CDH26: variants seen among roughly 807,000 people sequenced by gnomAD.
CDH26 encodes cadherin 26.
Under a neutral mutation model 90.3 loss-of-function variants are expected in CDH26, and 83 were observed. The ratio of observed to expected loss-of-function variants is 0.92; its 90% CI spans 0.77 to 1.10. The LOEUF (loss-of-function observed/expected upper bound fraction) is 1.10, where lower values mean the gene tolerates loss of function less well. Among genes scored for constraint, CDH26 ranks in the 50% least tolerant of loss-of-function variants. The pLI is 0.00. For synonymous variants in CDH26, 397 were observed against 396.3 expected, an observed-to-expected ratio of 1.00 and a Z score of -0.02; for missense variants, 1,013 against 1,037.6, an observed-to-expected ratio of 0.98 and a Z score of 0.33.
intron 15 of CDH26, among the ~76,000 whole-genome samples, chr20:60,002,596 A>T (rs1433861631): frequency 6.6e-6 from 1 of 152,100 alleles, no homozygotes; most frequent in Non-Finnish European, 1.5e-5. Context: ...AATGGACCCA[A>T]GATAGAGCTT....
chr20:60,032,452 C>T (rs1192247204), intron 8 of CDH26, among the ~76,000 whole-genome samples: 1 of 152,112 alleles, frequency 6.6e-6, no homozygotes, highest in Non-Finnish European at 1.5e-5. Flanking sequence ...TGTTGTTAGT[C>T]AGAAATGAAA....
At position 59,986,794 on chromosome 20, in the gene CDH26, G is replaced by A. The variant is rs986604286; in HGVS notation, c.838-659G>A. Among the ~76,000 whole-genome samples the A allele has an allele frequency of 2.0e-5, 3 of 151,694 alleles. No homozygotes were observed. The East Asian group carries it at 5.8e-4, about 29-fold the overall frequency. ...ATTTTTAAAAGGTGTCGTTTAATTA[G>A]AAAAAAAACCTGTATAAACCAAAGT... is the stretch of plus-strand genomic sequence containing the variant. On this transcript the variant is annotated intron_variant, in intron 7 of 17. Transcript: ENST00000348616.
chr20:60,005,270 T>C (rs2061731208), intron 16 of CDH26, among the ~76,000 whole-genome samples: 1 of 152,206 alleles, frequency 6.6e-6, no homozygotes, highest in Non-Finnish European at 1.5e-5. Flanking sequence ...GACTGTTAGT[T>C]GAGTTTTCGG....
At chr20:59,993,128 T>A (rs1389862029) in intron 10 of CDH26, among the ~76,000 whole-genome samples, 2 of 152,120 alleles carry the variant, frequency 1.3e-5, no homozygotes, top group Admixed American at 1.3e-4. Context: ...AGTGGAATGT[T>A]GGCGGGGGGC....
intron 4 of CDH26, among the ~76,000 whole-genome samples, chr20:59,974,444 T>C (rs2061302924): frequency 6.6e-6 from 1 of 152,220 alleles, no homozygotes; most frequent in South Asian, 2.1e-4. Flanking sequence ...AAGCTGATAA[T>C]GCTAAAGCCA....
chr20:59,999,016 G>A (rs780974240), intron 13 of CDH26, among the ~76,000 whole-genome samples: 4 of 152,174 alleles, frequency 2.6e-5, no homozygotes, highest in Non-Finnish European at 5.9e-5. Flanking sequence ...CTCCATGCAA[G>A]ATATCGTCAC....
chr20:59,970,251 A>G (rs2061240572), intron 3 of CDH26, 65 bp downstream of exon 3: 4 of 1,579,606 alleles, frequency 2.5e-6, no homozygotes, highest in Non-Finnish European at 2.6e-6. Flanking sequence ...CCCTTTGGCC[A>G]GGAAGATTAA....
intron 13 of CDH26, among the ~76,000 whole-genome samples, chr20:59,997,598 C>A (rs148590524): frequency 5.3e-5 from 8 of 152,358 alleles, no homozygotes; most frequent in African/African-American, 1.9e-4. Flanking sequence ...TGGGGTTAGA[C>A]AGACAAAGAG....
chr20:60,029,038 A>G (rs564101928), intron 7 of CDH26, among the ~76,000 whole-genome samples: 1 of 152,226 alleles, frequency 6.6e-6, no homozygotes, highest in Admixed American at 6.5e-5. Flanking sequence ...AACAACATGG[A>G]TAGGTCTGGA....
downstream of CDH26, among the ~76,000 whole-genome samples, chr20:60,035,808 C>T (rs564369730): frequency 7.9e-5 from 12 of 152,108 alleles, no homozygotes; most frequent in African/African-American, 2.2e-4. Context: ...ACTTTCTCTT[C>T]TCTCTCTCCT....
intron 3 of CDH26, among the ~76,000 whole-genome samples, chr20:59,970,592 G>A (rs1448852181): frequency 6.6e-6 from 1 of 151,472 alleles, no homozygotes; most frequent in Non-Finnish European, 1.5e-5. Flanking sequence ...GGGCGGATCA[G>A]GAGATCAGGA....
intron 4 of CDH26, among the ~76,000 whole-genome samples, chr20:59,974,714 G>A (rs7263739): frequency 9.5e-4 from 144 of 152,208 alleles, no homozygotes; most frequent in African/African-American, 3.2e-3. Context: ...TATTTGATCC[G>A]TGGCCCTGTC....
chr20:59,987,429 G>T (rs1327651917), intron 7 of CDH26, 24 bp from the exon 8 acceptor site: 5 of 1,589,012 alleles, frequency 3.1e-6, no homozygotes, highest in Non-Finnish European at 4.3e-6. Flanking sequence ...TCCATGACAT[G>T]GACATGATGA....
intron 1 of CDH26, among the ~76,000 whole-genome samples, chr20:59,960,992 T>G (rs1238763728): frequency 6.6e-6 from 1 of 152,240 alleles, no homozygotes; most frequent in Non-Finnish European, 1.5e-5. Context: ...AGTGGATAAC[T>G]TGTTTGGTAC....
At chr20:60,001,272 C>T (rs1449084878) in intron 14 of CDH26, 71 bp from the exon 15 acceptor site, 28 of 1,587,664 alleles carry the variant, frequency 1.8e-5, no homozygotes, top group East Asian at 4.5e-5. Flanking sequence ...TGAGAGGTCA[C>T]GCATGCCCAC....
intron 1 of CDH26, among the ~76,000 whole-genome samples, chr20:59,967,959 CTTTCTTTCTTTCTTTCTT>C (rs1569024758): frequency 9.4e-5 from 2 of 21,358 alleles, no homozygotes; most frequent in African/African-American, 2.9e-4. Flanking sequence ...TTCTTTCTAT[CTTTCTTTCTTTCTTTCTT>C]TCTTTCTTTC....
intron 8 of CDH26, among the ~76,000 whole-genome samples, chr20:59,987,932 C>A (rs1437494440): frequency 6.6e-6 from 1 of 152,028 alleles, no homozygotes; most frequent in African/African-American, 2.4e-5. Flanking sequence ...TTTACATAGG[C>A]CTTAAAATGA....
In CDH26 at chr20:59,964,372, C is replaced by T. The variant is rs184420218; in HGVS notation, c.70-4595C>T. 6.6e-5 allele frequency among the ~76,000 whole-genome samples: 10 copies of T among 152,244 alleles called. No individual in the cohort carries two copies. In the East Asian group the frequency reaches 1.5e-3, roughly 24 times the overall value. On this transcript the variant is annotated intron_variant, in intron 1 of 17. Transcript: ENST00000348616. ...CCATGCAATCATATGTCTGCCTGGC[C>T]CCCTCTGATAAAGTGGTTTGGTGGA... is the stretch of plus-strand genomic sequence containing the variant.
chr20:59,996,153 G>T, intron 12 of CDH26, 99 bp downstream of exon 12: 2 of 1,243,250 alleles, frequency 1.6e-6, no homozygotes, highest in Non-Finnish European at 2.2e-6. Flanking sequence ...GCGGTGGCAG[G>T]ATTGGTGGAA....
Sources: gnomAD v4.1 joint callset for allele counts (sites outside exome capture counted in the v4.1 genomes callset) on GRCh38, gnomAD v4.1.1 for gene constraint, MANE v1.5 for transcripts, NCBI Gene and HGNC (gene_info 2026-07-23, HGNC 2026-07-21) for gene names.